Variants in DCC observed in about 807,000 individuals in gnomAD.
DCC encodes the protein netrin receptor DCC.
DCC carries 58 observed loss-of-function variants against 172.5 expected under a neutral mutation model. The ratio of observed to expected loss-of-function variants is 0.34; its 90% confidence interval spans 0.27 to 0.42. The LOEUF is 0.42. Ranked by LOEUF, DCC falls within the 10% of genes least tolerant of loss-of-function variation. DCC has a pLI of 1.00. For synonymous variants in DCC, 709 were observed against 644.5 expected (o/e 1.10, Z -1.52); for missense variants, 1,740 against 1,791.0 (o/e 0.97, Z 0.51).
At chr18:53,447,845 T>C (rs12604130) in intron 22 of DCC, among the ~76,000 whole-genome samples, 73,502 of 151,848 alleles carry the variant, frequency 0.48, 18,822 homozygotes, top group Non-Finnish European at 0.58. Context: ...CCTTTCATTT[T>C]TTGCTTCATT....
At chr18:52,534,370 G>GAAA (rs1478524576) in intron 1 of DCC, among the ~76,000 whole-genome samples, 1 of 151,948 alleles carries the variant, frequency 6.6e-6, no homozygotes, top group Non-Finnish European at 1.5e-5. Flanking sequence ...TCAGTTTTGA[G>GAAA]AACAAAATTT....
chr18:52,950,365 T>G (rs1240946386), intron 5 of DCC, among the ~76,000 whole-genome samples: 3 of 152,196 alleles, frequency 2.0e-5, no homozygotes, highest in Non-Finnish European at 4.4e-5. Flanking sequence ...GACTCATCTT[T>G]CCTTGTAATA....
At chr18:53,427,055 C>T (rs1382046958) in intron 21 of DCC, among the ~76,000 whole-genome samples, 1 of 152,060 alleles carries the variant, frequency 6.6e-6, no homozygotes, top group Non-Finnish European at 1.5e-5. Flanking sequence ...TTGTGAACCA[C>T]GCAGATGGGG....
chr18:53,239,156 C>G (rs942853375), intron 12 of DCC, among the ~76,000 whole-genome samples: 18 of 149,870 alleles, frequency 1.2e-4, no homozygotes, highest in African/African-American at 4.2e-4. Context: ...AACTAACCTG[C>G]ACGTTGTGCA....
chr18:52,927,019 A>ATTC (rs1221112344), intron 5 of DCC, among the ~76,000 whole-genome samples: 4 of 121,680 alleles, frequency 3.3e-5, no homozygotes, highest in African/African-American at 1.1e-4. Flanking sequence ...TTCACAAAGA[A>ATTC]AAAATGCCAG....
chr18:53,417,801 T>C (rs1319299050), intron 21 of DCC, among the ~76,000 whole-genome samples: 1 of 152,178 alleles, frequency 6.6e-6, no homozygotes, highest in African/African-American at 2.4e-5. Flanking sequence ...TTATATTGTT[T>C]TTTCTTTTGT....
chr18:53,276,313 C>T (rs1324027809), intron 12 of DCC, among the ~76,000 whole-genome samples: 2 of 152,170 alleles, frequency 1.3e-5, no homozygotes, highest in African/African-American at 2.4e-5. Context: ...CTGATAAATC[C>T]CCATGGACAA....
chr18:53,500,190 TTTG>T (rs2046079147), intron 27 of DCC, among the ~76,000 whole-genome samples: 1 of 151,986 alleles, frequency 6.6e-6, no homozygotes, highest in African/African-American at 2.4e-5. Context: ...TGAGCTCCAT[TTTG>T]TTTTTGTTAG....
intron 2 of DCC, among the ~76,000 whole-genome samples, chr18:52,774,652 G>A (rs2062950453): frequency 1.3e-5 from 2 of 152,116 alleles, no homozygotes; most frequent in South Asian, 4.2e-4. Flanking sequence ...CTTCTTCAGT[G>A]CCCCGCTGCT....
At chr18:53,061,399 C>T (rs986106002) in intron 5 of DCC, among the ~76,000 whole-genome samples, 1 of 151,948 alleles carries the variant, frequency 6.6e-6, no homozygotes, top group African/African-American at 2.4e-5. Flanking sequence ...AGTCTCAACC[C>T]AGTCAATTGA....
chr18:52,759,957 A>T (rs1244123012), intron 2 of DCC, among the ~76,000 whole-genome samples: 3 of 152,212 alleles, frequency 2.0e-5, no homozygotes, highest in Admixed American at 6.5e-5. Flanking sequence ...TTGGACAGAG[A>T]GCATAGACAA....
chr18:52,960,721 C>A (rs1331797628), intron 5 of DCC, among the ~76,000 whole-genome samples: 1 of 152,078 alleles, frequency 6.6e-6, no homozygotes, highest in African/African-American at 2.4e-5. Flanking sequence ...AATTTGGCTT[C>A]CTCTCCCTCT....
At chr18:52,691,899 C>G (rs2035935481) in intron 1 of DCC, among the ~76,000 whole-genome samples, 1 of 152,116 alleles carries the variant, frequency 6.6e-6, no homozygotes, top group Non-Finnish European at 1.5e-5. Context: ...ACTGACCTGG[C>G]TTTTTATATC....
At chr18:53,181,720 G>A (rs1343888611) in intron 9 of DCC, among the ~76,000 whole-genome samples, 2 of 152,142 alleles carry the variant, frequency 1.3e-5, no homozygotes, top group East Asian at 1.9e-4. Flanking sequence ...AAAAGCATAT[G>A]TGAGTAATAA....
chr18:53,233,880 G>C lies in DCC; in HGVS notation c.1911+18283G>C, dbSNP rs183594485. 1.8e-4 allele frequency among the ~76,000 whole-genome samples: 27 copies of C among 152,266 alleles called. No homozygotes were observed. In the Middle Eastern group the frequency reaches 0.02, roughly 115 times the overall value. On this transcript the variant is annotated intron_variant, in intron 12 of 28. Transcript: ENST00000442544. ...TGTAATCCCAGCACTTTGGGAGGCC[G>C]AGTTGGGTGGATCACCTGCGGTCAG...
intron 1 of DCC, among the ~76,000 whole-genome samples, chr18:52,724,963 C>A (rs1477690820): frequency 6.6e-6 from 1 of 152,172 alleles, no homozygotes; most frequent in Non-Finnish European, 1.5e-5. Flanking sequence ...GCTTGATGGC[C>A]ACATGAAATG....
At chr18:52,415,190 C>A (rs1986977472) in intron 1 of DCC, among the ~76,000 whole-genome samples, 1 of 152,144 alleles carries the variant, frequency 6.6e-6, no homozygotes, top group Non-Finnish European at 1.5e-5. Flanking sequence ...CATCTGGACC[C>A]TTCATAACCT....
At chr18:53,468,858 A>T (rs2045660849) in intron 25 of DCC, among the ~76,000 whole-genome samples, 1 of 151,978 alleles carries the variant, frequency 6.6e-6, no homozygotes, top group Non-Finnish European at 1.5e-5. Context: ...TTCCTTTCCC[A>T]TTACTTCTAT....
At chr18:52,715,519 G>A (rs2036365278) in intron 1 of DCC, among the ~76,000 whole-genome samples, 3 of 151,924 alleles carry the variant, frequency 2.0e-5, no homozygotes, top group Admixed American at 2.0e-4. Flanking sequence ...TGGCCAGGCT[G>A]GTCTCAAGCT....
Sources: allele counts gnomAD v4.1 joint callset (sites outside exome capture counted in the v4.1 genomes callset), GRCh38; gene constraint gnomAD v4.1.1; transcripts MANE v1.5; gene names NCBI Gene and HGNC (gene_info 2026-07-23, HGNC 2026-07-21).